Variants in NELL2 observed in about 807,000 individuals in gnomAD.
NELL2 encodes neural EGFL like 2, also known as protein kinase C-binding protein NELL2.
NELL2 carries 41 observed loss-of-function variants against 109.6 expected under a neutral mutation model. That is an observed-to-expected ratio of 0.37 (90% CI 0.29 to 0.49). The LOEUF (loss-of-function observed/expected upper bound fraction) is 0.49. Ranked by LOEUF, NELL2 falls within the 20% of genes least tolerant of loss-of-function variation. The pLI is 0.98. For synonymous variants in NELL2, 355 were observed against 344.7 expected, an observed-to-expected ratio of 1.03 and a Z score of -0.33; for missense variants, 900 against 1,008.3, an observed-to-expected ratio of 0.89 and a Z score of 1.45.
chr12:44,743,165 G>A, intron 9 of NELL2, among the ~76,000 whole-genome samples: 1 of 152,122 alleles, frequency 6.6e-6, no homozygotes, highest in East Asian at 1.9e-4. Flanking sequence ...TTAAAGAAAA[G>A]AATTTTCAAC....
intron 3 of NELL2, among the ~76,000 whole-genome samples, chr12:44,788,181 C>T (rs1055300714): frequency 1.3e-5 from 2 of 152,130 alleles, no homozygotes; most frequent in African/African-American, 2.4e-5. Flanking sequence ...AGCTCCAACT[C>T]GGATAGACAG....
At chr12:44,629,844 C>A (rs942673688) in intron 13 of NELL2, among the ~76,000 whole-genome samples, 1 of 152,094 alleles carries the variant, frequency 6.6e-6, no homozygotes, top group African/African-American at 2.4e-5. Context: ...GACCTAGAAC[C>A]GTAAGTTCAT....
At chr12:44,534,988 G>A (rs1011948327) in intron 15 of NELL2, among the ~76,000 whole-genome samples, 16 of 151,702 alleles carry the variant, frequency 1.1e-4, no homozygotes, top group African/African-American at 3.9e-4. Context: ...CCTTTACCGG[G>A]CCCACTCCTA....
intron 12 of NELL2, among the ~76,000 whole-genome samples, chr12:44,677,314 T>A (rs191017298): frequency 4.9e-4 from 74 of 152,224 alleles, no homozygotes; most frequent in African/African-American, 1.6e-3. Context: ...TGAAGTTTTT[T>A]AAATTATTCT....
At chr12:44,566,758 C>T (rs1943676137) in intron 15 of NELL2, among the ~76,000 whole-genome samples, 1 of 152,088 alleles carries the variant, frequency 6.6e-6, no homozygotes, top group African/African-American at 2.4e-5. Context: ...ACAATTATAT[C>T]TACTTTACAA....
intron 13 of NELL2, among the ~76,000 whole-genome samples, chr12:44,623,712 C>T (rs183063056): frequency 6.6e-6 from 1 of 152,258 alleles, no homozygotes; most frequent in Non-Finnish European, 1.5e-5. Flanking sequence ...AACAAGCTAA[C>T]TCTTCCCTTC....
At chr12:44,881,126 C>T (rs191279982), upstream of NELL2, among the ~76,000 whole-genome samples, 5 of 152,048 alleles carry the variant, frequency 3.3e-5, no homozygotes, top group East Asian at 1.9e-4. Flanking sequence ...AAGAGTCAAT[C>T]GCCTGCTTAA....
intron 13 of NELL2, 139 bp from the exon 14 acceptor site, chr12:44,611,109 A>G: frequency 1.3e-6 from 1 of 782,370 alleles, no homozygotes; most frequent in East Asian, 2.7e-5. Flanking sequence ...AGAAGAGCTC[A>G]GATTTTGAAG....
chr12:44,806,620 T>G (rs1482850508), intron 3 of NELL2, among the ~76,000 whole-genome samples: 1 of 151,846 alleles, frequency 6.6e-6, no homozygotes, highest in African/African-American at 2.4e-5. Context: ...ATAGTCAAGG[T>G]CCATTCTAAT....
chr12:44,817,842 C>T (rs556111342), intron 2 of NELL2, among the ~76,000 whole-genome samples: 1 of 152,204 alleles, frequency 6.6e-6, no homozygotes, highest in Non-Finnish European at 1.5e-5. Flanking sequence ...TCCCTCCCCA[C>T]TCTCAACCCT....
rs567865891 is a variant in NELL2, at chr12:44,712,566, T to C, written c.1087-1172A>G. 2.4e-4 allele frequency among the ~76,000 whole-genome samples: 37 copies of C among 151,652 alleles called. 2 individuals are homozygous for C. The South Asian group carries it at 5.2e-3, about 21-fold the overall frequency. Reference sequence around the variant, plus strand: ...GGACTCGAATTGACAGCCCAGAAAATGGATGTGTGAGAGAGCTGTCAATTC... The same window carrying C: ...GGACTCGAATTGACAGCCCAGAAAACGGATGTGTGAGAGAGCTGTCAATTC... On this transcript the variant is annotated intron_variant, in intron 10 of 19. Coordinates refer to ENST00000429094, the MANE Select transcript of NELL2 (RefSeq NM_001145108.2).
chr12:44,626,772 A>G (rs1357995406), intron 13 of NELL2, among the ~76,000 whole-genome samples: 1 of 152,186 alleles, frequency 6.6e-6, no homozygotes, highest in Non-Finnish European at 1.5e-5. Flanking sequence ...ACAGTTAATA[A>G]GTCGCAGAAT....
In NELL2 at chr12:44,777,326, A is replaced by G. The variant is rs1566370464; in HGVS notation, c.607-12T>C. 6.2e-7 allele frequency: 1 copy of G among 1,608,738 alleles called. No homozygotes were observed. The highest frequency in any genetic ancestry group is 8.5e-7 in the Non-Finnish European group (1 of 1,175,232). On this transcript the variant is annotated splice_polypyrimidine_tract_variant and intron_variant, in intron 5 of 19. Coordinates refer to ENST00000429094, the MANE Select transcript of NELL2 (RefSeq NM_001145108.2). ...TCTTGCATTATACCCTGTGTGTGAA[A>G]AATAGAAAAAAAAGACATATTACTT...
chr12:44,906,731 G>A (rs535833289), intron 1 of NELL2, among the ~76,000 whole-genome samples: 12 of 152,232 alleles, frequency 7.9e-5, no homozygotes, highest in African/African-American at 2.9e-4. Context: ...GCAGTAATCA[G>A]AAGGTAAGTC....
intron 12 of NELL2, among the ~76,000 whole-genome samples, chr12:44,684,773 G>T (rs1397496543): frequency 6.6e-6 from 1 of 152,192 alleles, no homozygotes; most frequent in African/African-American, 2.4e-5. Context: ...TTGCACTGTG[G>T]TCTGAGAGAT....
chr12:44,639,405 C>T (rs574823673), intron 13 of NELL2, among the ~76,000 whole-genome samples: 3 of 152,314 alleles, frequency 2.0e-5, no homozygotes, highest in South Asian at 2.1e-4. Context: ...CTTCACTCCA[C>T]CCGCAGCGCA....
chr12:44,524,894 T>C (rs1360050986), intron 16 of NELL2, among the ~76,000 whole-genome samples: 1 of 152,176 alleles, frequency 6.6e-6, no homozygotes, highest in African/African-American at 2.4e-5. Context: ...TTTTTTCAGA[T>C]TAGAGAAAAT....
At chr12:44,638,393 A>G (rs1367288562) in intron 13 of NELL2, among the ~76,000 whole-genome samples, 1 of 152,108 alleles carries the variant, frequency 6.6e-6, no homozygotes, top group Non-Finnish European at 1.5e-5. Flanking sequence ...AGGTTATGTA[A>G]AAGTCCTAAA....
chr12:44,794,088 G>A (rs1306591170), intron 3 of NELL2, among the ~76,000 whole-genome samples: 1 of 152,116 alleles, frequency 6.6e-6, no homozygotes, highest in Non-Finnish European at 1.5e-5. Flanking sequence ...ACCAAGGCTC[G>A]GCACAGCAGG....
Sources: allele counts gnomAD v4.1 joint callset (sites outside exome capture counted in the v4.1 genomes callset), GRCh38; gene constraint gnomAD v4.1.1; transcripts MANE v1.5; gene names NCBI Gene and HGNC (gene_info 2026-07-23, HGNC 2026-07-21).